PHACTR1: variants seen among roughly 807,000 people sequenced by gnomAD.
The protein encoded by PHACTR1 is RPEL repeat containing 1.
PHACTR1 carries 16 observed loss-of-function variants against 69.2 expected under a neutral mutation model. The observed-to-expected ratio is 0.23, with a 90% CI of 0.16 to 0.35. The LOEUF (loss-of-function observed/expected upper bound fraction) is 0.35, where lower values mean the gene tolerates loss of function less well. Ranked by LOEUF, PHACTR1 falls within the 10% of genes least tolerant of loss-of-function variation. The pLI is 1.00. For missense variants in PHACTR1, 510 were observed against 734.7 expected (o/e 0.69, Z 3.54); for synonymous variants, 312 against 284.5 (o/e 1.10, Z -0.97).
At chr6:13,193,587 G>A (rs1180099180) in intron 7 of PHACTR1, among the ~76,000 whole-genome samples, 2 of 151,048 alleles carry the variant, frequency 1.3e-5, no homozygotes, top group Admixed American at 6.6e-5. Context: ...AAGGTCTCTC[G>A]ATGTTGCCCA....
chr6:12,800,595 G>A (rs894849229), intron 4 of PHACTR1, among the ~76,000 whole-genome samples: 1 of 152,124 alleles, frequency 6.6e-6, no homozygotes, highest in Non-Finnish European at 1.5e-5. Flanking sequence ...AAGAAAGTTT[G>A]GAAGTTGAAG....
At chr6:13,034,927 T>C (rs1033472283) in intron 4 of PHACTR1, among the ~76,000 whole-genome samples, 14 of 152,242 alleles carry the variant, frequency 9.2e-5, no homozygotes, top group Non-Finnish European at 1.8e-4. Flanking sequence ...TATCAAATGC[T>C]GTTAGAAGAC....
chr6:13,277,307 TC>T (rs1297024179), intron 11 of PHACTR1, among the ~76,000 whole-genome samples: 1 of 152,224 alleles, frequency 6.6e-6, no homozygotes, highest in Non-Finnish European at 1.5e-5. Flanking sequence ...TGCAGTCTAC[TC>T]TTCTGAGCCA....
rs138967145 is a variant in PHACTR1, at chr6:12,812,725, T to C, written c.250+62935T>C. Among the ~76,000 whole-genome samples, 390 of 152,330 alleles carry C rather than the reference T, an allele frequency of 2.6e-3. 2 individuals are homozygous for C. Among genetic ancestry groups the C allele is most frequent in the Non-Finnish European group, 3.5e-3 (237 of 68,028 alleles). On this transcript the variant is annotated intron_variant, in intron 4 of 14. Transcript: ENST00000332995. Reference sequence around the variant, plus strand: ...GTGATTCGAGCACAACATTTCAGAGTAGGCCAAACAGACCCTTGCTCGTGG... The same window carrying C: ...GTGATTCGAGCACAACATTTCAGAGCAGGCCAAACAGACCCTTGCTCGTGG...
intron 11 of PHACTR1, 115 bp downstream of exon 11, chr6:13,273,030 T>TA: frequency 4.8e-6 from 7 of 1,449,912 alleles, no homozygotes; most frequent in Non-Finnish European, 6.6e-6. Flanking sequence ...TGAAAACCTT[T>TA]CTAACGGTTG....
In PHACTR1 at chr6:13,119,434, T is replaced by C. The variant is rs182584508; in HGVS notation, c.416-40770T>C. On this transcript the variant is annotated intron_variant, in intron 5 of 14. Coordinates refer to ENST00000332995, the MANE Select transcript of PHACTR1 (RefSeq NM_030948.6). ...GTCCTACACATACTGACCTCACTAG[T>C]GGGAAAATGAATTTTCTCCACATTA... Among the ~76,000 whole-genome samples the C allele has an allele frequency of 5.1e-4, 77 of 152,308 alleles. No individual in the cohort carries two copies. The Middle Eastern group carries it at 0.014, about 27-fold the overall frequency.
intron 4 of PHACTR1, among the ~76,000 whole-genome samples, chr6:12,833,822 G>A (rs1777856117): frequency 6.6e-6 from 1 of 152,106 alleles, no homozygotes; most frequent in South Asian, 2.1e-4. Flanking sequence ...CTAGCCTGCT[G>A]TGGACAGTGC....
intron 4 of PHACTR1, among the ~76,000 whole-genome samples, chr6:12,862,968 C>A (rs1253961290): frequency 6.6e-6 from 1 of 152,192 alleles, no homozygotes; most frequent in Non-Finnish European, 1.5e-5. Context: ...TACCCCTTAC[C>A]ACCTGTGTCC....
In PHACTR1 at chr6:13,179,445, T is replaced by TGTGTGTGTGTGTGTG. The variant is rs58571739; in HGVS notation, c.497-3074_497-3073insGTGTGTGTGTGTGTG. Among the ~76,000 whole-genome samples, 3 of 148,280 alleles carry TGTGTGTGTGTGTGTG rather than the reference T, an allele frequency of 2.0e-5. No individual in the cohort carries two copies. The highest frequency in any genetic ancestry group is 2.5e-5 in the African/African-American group (1 of 40,376). Reference sequence around the variant, plus strand: ...GTGTGTGTGTGTGTGTGTGTGTGTGTTTAAAAATGTCATAATAAAAAATTT... The same window carrying TGTGTGTGTGTGTGTG: ...GTGTGTGTGTGTGTGTGTGTGTGTGTGTGTGTGTGTGTGTGTTAAAAATGTCATAATAAAAAATTT... On this transcript the variant is annotated intron_variant, in intron 6 of 14. Transcript: ENST00000332995. The surrounding 1 kb of genome is among the most constrained non-coding windows in gnomAD (Gnocchi z 4.2).
chr6:12,900,792 C>A (rs1443759539), intron 4 of PHACTR1, among the ~76,000 whole-genome samples: 4 of 152,178 alleles, frequency 2.6e-5, no homozygotes, highest in Admixed American at 6.5e-5. Flanking sequence ...ACTTTATCTA[C>A]TTTTCACTAA....
intron 4 of PHACTR1, among the ~76,000 whole-genome samples, chr6:12,923,789 C>T (rs1251349557): frequency 3.3e-5 from 5 of 152,136 alleles, no homozygotes; most frequent in African/African-American, 4.8e-5. Context: ...ACATTAGACA[C>T]GAATGAGAAA....
rs140706710 is a variant in PHACTR1 at position 13,230,229 on chromosome 6, G to A, written c.1391+36G>A. On this transcript the variant is annotated intron_variant, in intron 10 of 14. Coordinates refer to ENST00000332995, the MANE Select transcript of PHACTR1 (RefSeq NM_030948.6). ...GGCACCCTCTGCCTCCCTGGCAGTG[G>A]GCCTTTAGCTCTCCAGGTTCTAGCA... 9.3e-4 allele frequency: 1,479 copies of A among 1,586,548 alleles called. 7 individuals are homozygous for A. Among genetic ancestry groups the A allele is most frequent in the East Asian group, 7.7e-3 (333 of 43,358 alleles).
chr6:13,069,049 G>A (rs1306969917), intron 5 of PHACTR1, among the ~76,000 whole-genome samples: 1 of 152,146 alleles, frequency 6.6e-6, no homozygotes, highest in Non-Finnish European at 1.5e-5. Context: ...AGAGACAGAT[G>A]TGCAGGCCCC....
intron 4 of PHACTR1, among the ~76,000 whole-genome samples, chr6:12,970,679 G>A (rs1033420277): frequency 2.0e-5 from 3 of 152,144 alleles, no homozygotes; most frequent in African/African-American, 2.4e-5. Context: ...TCGTTTGAAC[G>A]CGGGCAGCAG....
chr6:13,235,847 C>T (rs550510700), intron 10 of PHACTR1, among the ~76,000 whole-genome samples: 12 of 152,300 alleles, frequency 7.9e-5, no homozygotes, highest in African/African-American at 2.9e-4. Context: ...GCCCAGTCCT[C>T]TCCAACTGAG....
At chr6:12,868,238 A>G (rs1029504668) in intron 4 of PHACTR1, among the ~76,000 whole-genome samples, 35 of 141,740 alleles carry the variant, frequency 2.5e-4, no homozygotes, top group Non-Finnish European at 4.4e-4. Context: ...GCCTGGCAAC[A>G]GGGCGAGACT....
rs146325470 is a variant in PHACTR1, at chr6:12,779,860, G to A, written c.250+30070G>A. ...GCTTAATTTAAGCAAAGCCCTTTCC[G>A]TATAGATAGAGCATCTCAAGTAGGA... is the stretch of plus-strand genomic sequence containing the variant. On this transcript the variant is annotated intron_variant, in intron 4 of 14. Coordinates refer to ENST00000332995, the MANE Select transcript of PHACTR1 (RefSeq NM_030948.6). Among the ~76,000 whole-genome samples the A allele has an allele frequency of 4.9e-3, 752 of 152,204 alleles. 5 individuals carry two copies. Among genetic ancestry groups the A allele is most frequent in the African/African-American group, 0.017 (717 of 41,514 alleles).
intron 4 of PHACTR1, among the ~76,000 whole-genome samples, chr6:12,840,254 A>G (rs940596345): frequency 3.3e-5 from 5 of 152,362 alleles, no homozygotes; most frequent in Middle Eastern, 6.8e-3. Context: ...TTTGTATTTT[A>G]TACTTTTTTG....
chr6:13,087,402 A>C (rs764309601), intron 5 of PHACTR1, among the ~76,000 whole-genome samples: 8 of 151,592 alleles, frequency 5.3e-5, no homozygotes, highest in Non-Finnish European at 1.2e-4. Context: ...TAGTATGAGA[A>C]AGGAAAATTT....
Sources: gnomAD v4.1 joint callset for allele counts (sites outside exome capture counted in the v4.1 genomes callset) on GRCh38, gnomAD v4.1.1 for gene constraint, Gnocchi (gnomAD v3.1) non-coding constraint, MANE v1.5 for transcripts, NCBI Gene and HGNC (gene_info 2026-07-23, HGNC 2026-07-21) for gene names.